Variants in CFAP97 observed in about 807,000 individuals in gnomAD.
CFAP97 encodes cilia and flagella associated protein 97, also known as cilia- and flagella-associated protein 97.
Under a neutral mutation model 43.1 loss-of-function variants are expected in CFAP97, and 36 were observed. That is an observed-to-expected ratio of 0.84 (90% confidence interval 0.64 to 1.10). The LOEUF is 1.10. Ranked by LOEUF, CFAP97 falls within the 50% of genes least tolerant of loss-of-function variation. CFAP97 has a pLI of 0.00. For missense variants in CFAP97, 657 were observed against 620.3 expected (o/e 1.06, Z -0.63); for synonymous variants, 228 against 225.7 (o/e 1.01, Z -0.09).
chr4:185,207,242 G>A (rs1410893304), upstream of CFAP97, among the ~76,000 whole-genome samples: 5 of 112,034 alleles, frequency 4.5e-5, no homozygotes, highest in African/African-American at 1.4e-4. Context: ...TTTTTGAGAC[G>A]GAGTCTCGCT....
intron 2 of CFAP97, among the ~76,000 whole-genome samples, chr4:185,180,363 A>C (rs9996661): frequency 1 from 152,233 of 152,264 alleles, 76,101 homozygotes; most frequent in Middle Eastern, 1. Context: ...CACCACCACC[A>C]GTTTCCAAAA....
upstream of CFAP97, chr4:185,209,995 T>C: frequency 1.0e-6 from 1 of 983,204 alleles, no homozygotes; most frequent in Non-Finnish European, 1.2e-6. This position sits in a 1 kb window ranked among gnomAD's most constrained non-coding sequence, Gnocchi z 5.2. Context: ...CGGCCGGAGC[T>C]GGTGGAAGCC....
At chr4:185,165,126 C>G (rs1054336505) in intron 3 of CFAP97, among the ~76,000 whole-genome samples, 44 of 152,098 alleles carry the variant, frequency 2.9e-4, no homozygotes, top group African/African-American at 9.7e-4. Context: ...AGTCTGAAAA[C>G]CAATTAGTAT....
chr4:185,176,794 T>C (rs1735565416), intron 2 of CFAP97, among the ~76,000 whole-genome samples: 1 of 152,136 alleles, frequency 6.6e-6, no homozygotes, highest in Non-Finnish European at 1.5e-5. Context: ...TCCTCAGCAA[T>C]GACTGAGGGA....
At chr4:185,195,647 AGAG>A (rs1265007978) in intron 1 of CFAP97, among the ~76,000 whole-genome samples, 1 of 152,204 alleles carries the variant, frequency 6.6e-6, no homozygotes, top group East Asian at 1.9e-4. Context: ...AGGGGAGGGG[AGAG>A]GAGTAGTGTG....
intron 1 of CFAP97, among the ~76,000 whole-genome samples, chr4:185,197,876 T>C (rs969749032): frequency 1.3e-5 from 2 of 152,182 alleles, no homozygotes; most frequent in Non-Finnish European, 2.9e-5. Flanking sequence ...TTGCACCAGT[T>C]AGCCAAGTTG....
intron 2 of CFAP97, among the ~76,000 whole-genome samples, chr4:185,181,041 T>C (rs1266432860): frequency 1.3e-5 from 2 of 152,106 alleles, no homozygotes; most frequent in Non-Finnish European, 2.9e-5. Flanking sequence ...TGGCAGAGTT[T>C]GTTTTGCAAG....
chr4:185,163,272 C>A (rs1289776221), intron 4 of CFAP97, among the ~76,000 whole-genome samples: 1 of 152,048 alleles, frequency 6.6e-6, no homozygotes, highest in Non-Finnish European at 1.5e-5. Flanking sequence ...TAAAATAAGA[C>A]CCTTTCTTAG....
chr4:185,166,933 C>T (rs558221535), intron 3 of CFAP97, among the ~76,000 whole-genome samples: 88 of 152,258 alleles, frequency 5.8e-4, no homozygotes, highest in African/African-American at 2.0e-3. Context: ...GCTTTGAATG[C>T]GGCCCAGCGC....
At chr4:185,166,503 T>A (rs1735078270) in intron 3 of CFAP97, among the ~76,000 whole-genome samples, 1 of 152,238 alleles carries the variant, frequency 6.6e-6, no homozygotes, top group Admixed American at 6.5e-5. Context: ...TCTATTAAAC[T>A]CCTAGTGTCC....
Position 185,162,528 on chromosome 4 carries a change from C to A in CFAP97, c.*270G>T, listed in dbSNP as rs967948375. Reference sequence around the variant, plus strand: ...TATCACTACTATTTTGACAGCATGACAACTGAATAATTAGAAGATACACAT... The same window carrying A: ...TATCACTACTATTTTGACAGCATGAAAACTGAATAATTAGAAGATACACAT... On this transcript the variant is annotated 3_prime_UTR_variant, in exon 5 of 5. Coordinates refer to ENST00000458385, the MANE Select transcript of CFAP97 (RefSeq NM_020827.3). 8 of 390,814 alleles carry A rather than the reference C, an allele frequency of 2.0e-5. No individual in the cohort carries two copies. Among genetic ancestry groups the A allele is most frequent in the African/African-American group, 1.1e-4 (5 of 46,426 alleles). 24.2% of individuals were successfully genotyped at this position (390,814 alleles called of 1,614,324 possible).
Position 185,159,758 on chromosome 4 carries a change from T to G in CFAP97, c.*3040A>C, listed in dbSNP as rs184497239. ...AATGGAACAGAAAATCTTAAAAGGA[T>G]GTTAATTTTAAGTTTCTTACTAATC... is the stretch of plus-strand genomic sequence containing the variant. On this transcript the variant is annotated 3_prime_UTR_variant, in exon 5 of 5. Transcript: ENST00000458385. 15 of 152,328 alleles carry G rather than the reference T, an allele frequency of 9.8e-5. No individual in the cohort carries two copies. The highest frequency in any genetic ancestry group is 3.4e-4 in the African/African-American group (14 of 41,580). 9.4% of individuals were successfully genotyped at this position (152,328 alleles called of 1,614,324 possible).
At chr4:185,195,134 T>C (rs940539464) in intron 1 of CFAP97, among the ~76,000 whole-genome samples, 2 of 152,102 alleles carry the variant, frequency 1.3e-5, no homozygotes, top group Non-Finnish European at 2.9e-5. Context: ...TGTAAGCACA[T>C]ATCTGCCAAA....
chr4:185,186,044 G>T (rs527912253), intron 2 of CFAP97, among the ~76,000 whole-genome samples: 1 of 152,114 alleles, frequency 6.6e-6, no homozygotes, highest in Non-Finnish European at 1.5e-5. Context: ...AATCAAGAAA[G>T]ATCAATATGT....
intron 2 of CFAP97, among the ~76,000 whole-genome samples, chr4:185,186,647 T>C (rs1736016894): frequency 6.6e-6 from 1 of 152,190 alleles, no homozygotes; most frequent in Non-Finnish European, 1.5e-5. Flanking sequence ...CAGATGCTAG[T>C]GATTAGCAAA....
chr4:185,172,829 C>T (rs1468602002), intron 3 of CFAP97, among the ~76,000 whole-genome samples: 1 of 79,706 alleles, frequency 1.3e-5, no homozygotes, highest in African/African-American at 5.1e-5. Context: ...GCCTGGGCAA[C>T]AAAGTGAGAT....
intron 2 of CFAP97, among the ~76,000 whole-genome samples, chr4:185,184,399 A>G (rs1282787425): frequency 6.6e-6 from 1 of 152,136 alleles, no homozygotes; most frequent in Non-Finnish European, 1.5e-5. Context: ...CGGGAATGGG[A>G]GCGTAACCAG....
At chr4:185,207,361 C>G (rs1188620303), upstream of CFAP97, among the ~76,000 whole-genome samples, 1 of 151,856 alleles carries the variant, frequency 6.6e-6, no homozygotes, top group South Asian at 2.1e-4. Flanking sequence ...GGACTACAGG[C>G]GCACACCACC....
chr4:185,193,806 G>A (rs1218489228), intron 1 of CFAP97, among the ~76,000 whole-genome samples: 8 of 151,898 alleles, frequency 5.3e-5, no homozygotes, highest in Admixed American at 4.6e-4. Context: ...GAGAATTGCT[G>A]AAACCCAGGA....
Sources: allele counts gnomAD v4.1 joint callset (sites outside exome capture counted in the v4.1 genomes callset), GRCh38; gene constraint gnomAD v4.1.1; non-coding constraint Gnocchi (gnomAD v3.1); transcripts MANE v1.5; gene names NCBI Gene and HGNC (gene_info 2026-07-23, HGNC 2026-07-21).